Variants in PHACTR3 observed in about 807,000 individuals in gnomAD.
PHACTR3 encodes the protein phosphatase and actin regulator 3.
A neutral mutation model predicts 66.8 loss-of-function variants in PHACTR3; 16 were observed. The ratio of observed to expected loss-of-function variants is 0.24; its 90% CI spans 0.16 to 0.36. PHACTR3 has a LOEUF of 0.36. Among genes scored for constraint, PHACTR3 ranks in the 10% least tolerant of loss-of-function variants. The pLI is 1.00. For missense variants in PHACTR3, 647 were observed against 719.9 expected (o/e 0.90, Z 1.16); for synonymous variants, 323 against 292.1 (o/e 1.11, Z -1.08).
At chr20:59,724,332 C>A (rs560306115) in intron 1 of PHACTR3, among the ~76,000 whole-genome samples, 2 of 152,284 alleles carry the variant, frequency 1.3e-5, no homozygotes, top group South Asian at 4.2e-4. Flanking sequence ...ATTTAAACCA[C>A]CACGTGGAGG....
intron 9 of PHACTR3, among the ~76,000 whole-genome samples, chr20:59,836,942 A>C (rs2058978419): frequency 6.6e-6 from 1 of 152,110 alleles, no homozygotes; most frequent in Admixed American, 6.5e-5. Flanking sequence ...TGCCTGTTAC[A>C]CTTGGGAGGA....
chr20:59,802,915 A>G (rs1247953768), intron 7 of PHACTR3, among the ~76,000 whole-genome samples: 1 of 152,254 alleles, frequency 6.6e-6, no homozygotes, highest in Admixed American at 6.5e-5. Context: ...ACTGGTCTGA[A>G]GATAAATGAA....
Position 59,847,097 on chromosome 20 carries a change from CT to C in PHACTR3, c.1665-12del. The C allele has an allele frequency of 1.3e-6, 2 of 1,498,170 alleles. No individual in the cohort carries two copies. The highest frequency in any genetic ancestry group is 1.8e-6 in the Non-Finnish European group (2 of 1,083,052). The allele number at this position is 1,498,170 out of a possible 1,614,324, so 92.8% of individuals were successfully genotyped here. On this transcript the variant is annotated splice_polypyrimidine_tract_variant and intron_variant, in intron 12 of 12. Transcript: ENST00000371015. ...AAATGAATAACCTTAAATTCTTTGT[CT>C]TTTTTATAATCTCTAGATTCCACAG... is the stretch of plus-strand genomic sequence containing the variant.
chr20:59,724,906 C>T (rs1005132254), intron 1 of PHACTR3, among the ~76,000 whole-genome samples: 2 of 143,074 alleles, frequency 1.4e-5, no homozygotes, highest in Non-Finnish European at 1.5e-5. Flanking sequence ...TGTGAACCCA[C>T]GTGGGTGTGA....
rs2042011378 is a variant in PHACTR3 at position 59,820,811 on chromosome 20, T to C, written c.1328+14617T>C. On this transcript the variant is annotated intron_variant, in intron 8 of 12. Transcript: ENST00000371015. This position sits in a 1 kb window ranked among gnomAD's most constrained non-coding sequence, Gnocchi z 4.6. ...CCCATTCAGTGTCAATAAAACATGA[T>C]TCCCAAACCAGGGAGCAGGTGGTTT... 6.6e-6 allele frequency among the ~76,000 whole-genome samples: 1 copy of C among 152,166 alleles called. No homozygotes were observed. Among genetic ancestry groups the C allele is most frequent in the Admixed American group, 6.5e-5 (1 of 15,288 alleles).
intron 6 of PHACTR3, 58 bp from the exon 7 acceptor site, chr20:59,774,185 G>A (rs550680113): frequency 1.4e-5 from 22 of 1,520,004 alleles, no homozygotes; most frequent in East Asian, 9.1e-5. Flanking sequence ...AAAGTCAATC[G>A]TGCTGGGTTT....
rs2037928917 is a variant in PHACTR3 at position 59,711,994 on chromosome 20, A to G, written c.119-31113A>G. 1.3e-5 allele frequency among the ~76,000 whole-genome samples: 2 copies of G among 152,022 alleles called. 1 individual carries two copies. The highest frequency in any genetic ancestry group is 4.2e-4 in the South Asian group (2 of 4,818). On this transcript the variant is annotated intron_variant, in intron 1 of 12. Coordinates refer to ENST00000371015, the MANE Select transcript of PHACTR3 (RefSeq NM_080672.5). ...TTTATATATTAAGGACTTTTTTTTC[A>G]TTGATTGTGAATATATTCCAGAGTT...
chr20:59,696,691 G>T (rs2037310551), intron 1 of PHACTR3, among the ~76,000 whole-genome samples: 1 of 152,202 alleles, frequency 6.6e-6, no homozygotes, highest in African/African-American at 2.4e-5. Flanking sequence ...TCCACACCAG[G>T]CTCTCTGGGC....
chr20:59,634,712 C>T (rs2034785432), intron 1 of PHACTR3, among the ~76,000 whole-genome samples: 1 of 152,174 alleles, frequency 6.6e-6, no homozygotes, highest in Non-Finnish European at 1.5e-5. Flanking sequence ...CTTTCAGAGG[C>T]CTCATTATAG....
chr20:59,628,518 A>T (rs931838175), intron 1 of PHACTR3: 1 of 556,620 alleles, frequency 1.8e-6, no homozygotes, highest in East Asian at 1.4e-4. Context: ...GCAGCCGTGC[A>T]TGGGGCCACG....
chr20:59,645,984 C>A (rs1256459774), intron 1 of PHACTR3, among the ~76,000 whole-genome samples: 1 of 152,200 alleles, frequency 6.6e-6, no homozygotes, highest in African/African-American at 2.4e-5. Flanking sequence ...AGGCCCCTGG[C>A]CCCGTTCTGC....
chr20:59,762,292 T>C (rs2040018848), intron 4 of PHACTR3, among the ~76,000 whole-genome samples: 1 of 152,248 alleles, frequency 6.6e-6, no homozygotes, highest in Non-Finnish European at 1.5e-5. Flanking sequence ...GCAGGTGGAA[T>C]GAGGGGACCT....
intron 7 of PHACTR3, among the ~76,000 whole-genome samples, chr20:59,788,989 C>A (rs780937877): frequency 6.6e-6 from 1 of 152,230 alleles, no homozygotes; most frequent in Non-Finnish European, 1.5e-5. Flanking sequence ...CAGAAAACGT[C>A]AGGCACTTCT....
chr20:59,707,662 A>G (rs1360835321), intron 1 of PHACTR3, among the ~76,000 whole-genome samples: 2 of 151,846 alleles, frequency 1.3e-5, no homozygotes, highest in Non-Finnish European at 2.9e-5. Flanking sequence ...ACAGGGTTTC[A>G]CTATGTTGCC....
intron 1 of PHACTR3, among the ~76,000 whole-genome samples, chr20:59,635,121 TTC>T (rs1368924195): frequency 2.6e-5 from 2 of 76,818 alleles, no homozygotes; most frequent in Non-Finnish European, 5.1e-5. Flanking sequence ...CTTTCTTTCT[TTC>T]TTTCTTTCTT....
Position 59,736,430 on chromosome 20 carries a change from G to T in PHACTR3, c.119-6677G>T, listed in dbSNP as rs771379666. The stretch of plus-strand genomic sequence containing the variant: ...ATCTGTCCCTTCCCTCTGTGGACAG[G>T]TGTGCATGGGCCACATGCACCCGCC... On this transcript the variant is annotated intron_variant, in intron 1 of 12. Transcript: ENST00000371015. This position sits in a 1 kb window ranked among gnomAD's most constrained non-coding sequence, Gnocchi z 4.6. Among the ~76,000 whole-genome samples the T allele has an allele frequency of 3.9e-4, 59 of 152,218 alleles. No homozygotes were observed. Among genetic ancestry groups the T allele is most frequent in the Non-Finnish European group, 8.2e-4 (56 of 67,992 alleles).
At chr20:59,640,286 A>G (rs2035057176) in intron 1 of PHACTR3, among the ~76,000 whole-genome samples, 1 of 152,210 alleles carries the variant, frequency 6.6e-6, no homozygotes, top group Non-Finnish European at 1.5e-5. Flanking sequence ...TTACTATCCT[A>G]CTGTCAAGGA....
chr20:59,824,639 A>G (rs1202191947), intron 8 of PHACTR3, among the ~76,000 whole-genome samples: 1 of 152,260 alleles, frequency 6.6e-6, no homozygotes, highest in Non-Finnish European at 1.5e-5. Context: ...GTGTGTCTGT[A>G]AGAGGCCCAT....
At chr20:59,591,480 C>T (rs2033180709) in intron 1 of PHACTR3, among the ~76,000 whole-genome samples, 1 of 152,160 alleles carries the variant, frequency 6.6e-6, no homozygotes, top group Non-Finnish European at 1.5e-5. Context: ...AAACTGAGGC[C>T]TCAGGAAGAC....
Sources: gnomAD v4.1 joint callset for allele counts (sites outside exome capture counted in the v4.1 genomes callset) on GRCh38, gnomAD v4.1.1 for gene constraint, Gnocchi (gnomAD v3.1) non-coding constraint, MANE v1.5 for transcripts, NCBI Gene and HGNC (gene_info 2026-07-23, HGNC 2026-07-21) for gene names.